Variants in ATP8B2 observed in about 807,000 individuals in gnomAD.
The protein encoded by ATP8B2 is phospholipid-transporting ATPase ID.
Under a neutral mutation model 133.4 loss-of-function variants are expected in ATP8B2, and 70 were observed. The observed-to-expected ratio is 0.52, with a 90% CI of 0.43 to 0.64. The LOEUF (loss-of-function observed/expected upper bound fraction) is 0.64, where lower values mean the gene tolerates loss of function less well. Ranked by LOEUF, ATP8B2 falls within the 30% of genes least tolerant of loss-of-function variation. ATP8B2 has a pLI of 0.00. For missense variants in ATP8B2, 1,101 were observed against 1,535.7 expected (o/e 0.72, Z 4.73); for synonymous variants, 517 against 589.5 (o/e 0.88, Z 1.78).
rs1476570922 is a variant in ATP8B2 at position 154,334,635 on chromosome 1, T to C, written c.837+44T>C. 6.5e-7 allele frequency: 1 copy of C among 1,529,742 alleles called. No homozygotes were observed. The highest frequency in any genetic ancestry group is 9.0e-7 in the Non-Finnish European group (1 of 1,106,002). The allele number at this position is 1,529,742 out of a possible 1,614,324, so 94.8% of individuals were successfully genotyped here. ...GGCTCCCTGCCCCTGCCCTCTCTTC[T>C]CCTTGGGTGCTCCTTTTCCTTTCCT... On this transcript the variant is annotated intron_variant, in intron 11 of 27. Transcript: ENST00000368489. The surrounding 1 kb of genome is among the most constrained non-coding windows in gnomAD (Gnocchi z 4.6).
At chr1:154,335,102 G>C (rs778666248) in intron 11 of ATP8B2, among the ~76,000 whole-genome samples, 3 of 152,100 alleles carry the variant, frequency 2.0e-5, no homozygotes, top group Non-Finnish European at 4.4e-5. Flanking sequence ...CCTGTGCCCC[G>C]ACTGTCTGCT....
Position 154,343,952 on chromosome 1 carries a change from G to A in ATP8B2, c.1818G>A (p.Glu606=). Residue 606 remains glutamate, a synonymous_variant, in exon 18 of 28, where the codon GAG becomes GAA. Transcript: ENST00000368489. This position sits in a 1 kb window ranked among gnomAD's most constrained non-coding sequence, Gnocchi z 5.8. ...LVLAYKDLDE[E]YYEEWAERRL... is the part of the protein sequence containing the mutation. ...TGGCCTACAAGGATCTGGATGAAGAGTACTACGAGGAGTGGGCTGAGCGAC... is the reference window on the plus strand; with the variant it reads ...TGGCCTACAAGGATCTGGATGAAGAATACTACGAGGAGTGGGCTGAGCGAC... The A allele has an allele frequency of 1.2e-5, 19 of 1,614,106 alleles. No individual in the cohort carries two copies. The highest frequency in any genetic ancestry group is 1.5e-5 in the Non-Finnish European group (18 of 1,179,968).
chr1:154,338,628 C>G (rs557153595), intron 12 of ATP8B2: 1 of 152,260 alleles, frequency 6.6e-6, no homozygotes, highest in East Asian at 1.9e-4. Context: ...CCACTGCACT[C>G]TAGCCTGGGC....
rs763353818 is a variant in ATP8B2, at chr1:154,343,450, T to C, written c.1643-3T>C. ...GCACTTTCTTCACCTGCCCCATTCA[T>C]AGTGCGGAATCCAGAGGGGAAGATC... On this transcript the variant is annotated splice_polypyrimidine_tract_variant and splice_region_variant and intron_variant, in intron 16 of 27. Transcript: ENST00000368489. The surrounding 1 kb of genome is among the most constrained non-coding windows in gnomAD (Gnocchi z 5.8). 1.5e-5 allele frequency: 25 copies of C among 1,613,990 alleles called. No homozygotes were observed. In the East Asian group the frequency reaches 4.9e-4, roughly 32 times the overall value.
At position 154,334,840 on chromosome 1, in the gene ATP8B2, G is replaced by A. The variant is rs148237833; in HGVS notation, c.837+249G>A. 3.4e-3 allele frequency among the ~76,000 whole-genome samples: 520 copies of A among 152,248 alleles called. 2 individuals carry two copies. The highest frequency in any genetic ancestry group is 5.1e-3 in the Non-Finnish European group (350 of 68,016). Reference sequence around the variant, plus strand: ...ACAAATCATCCCTTCTCTGATTCCAGTTATGATGATGACTTTGTGAAGCAT... The same window carrying A: ...ACAAATCATCCCTTCTCTGATTCCAATTATGATGATGACTTTGTGAAGCAT... On this transcript the variant is annotated intron_variant, in intron 11 of 27. Transcript: ENST00000368489. The surrounding 1 kb of genome is among the most constrained non-coding windows in gnomAD (Gnocchi z 4.6).
chr1:154,334,722 C>A lies in ATP8B2; in HGVS notation c.837+131C>A. 1.5e-6 allele frequency: 1 copy of A among 679,144 alleles called. No individual in the cohort carries two copies. The highest frequency in any genetic ancestry group is 2.5e-6 in the Non-Finnish European group (1 of 402,458). 42.1% of individuals were successfully genotyped at this position (679,144 alleles called of 1,614,324 possible). ...TAAAGCTGCTAGCAGGTCAGCTACA[C>A]AAAGGCAGTGTTTATTTTAGGCTCC... On this transcript the variant is annotated intron_variant, in intron 11 of 27. Coordinates refer to ENST00000368489, the MANE Select transcript of ATP8B2 (RefSeq NM_001370597.1). The surrounding 1 kb of genome is among the most constrained non-coding windows in gnomAD (Gnocchi z 4.6).
In ATP8B2 at chr1:154,331,824, T is replaced by A; in HGVS notation, c.439-130T>A. 7.7e-7 allele frequency: 1 copy of A among 1,294,812 alleles called. No homozygotes were observed. The highest frequency in any genetic ancestry group is 1.1e-6 in the Non-Finnish European group (1 of 896,918). The allele number at this position is 1,294,812 out of a possible 1,614,324, so 80.2% of individuals were successfully genotyped here. A position where few individuals can be genotyped will look rare whatever the true frequency, so the allele number is the denominator to read the frequency against. On this transcript the variant is annotated intron_variant, in intron 7 of 27. Coordinates refer to ENST00000368489, the MANE Select transcript of ATP8B2 (RefSeq NM_001370597.1). This position sits in a 1 kb window ranked among gnomAD's most constrained non-coding sequence, Gnocchi z 4.8. ...CAGGGGCTTCTGTGTCATGCTGATA[T>A]GCCTGGAACTAGCCATTTATGCACC...
intron 12 of ATP8B2, among the ~76,000 whole-genome samples, chr1:154,338,491 C>G (rs1313510004): frequency 1.3e-5 from 2 of 152,102 alleles, no homozygotes; most frequent in Middle Eastern, 3.2e-3. Flanking sequence ...GAAACCCCGT[C>G]TCTACTAAAA....
rs1685849270 is a variant in ATP8B2, at chr1:154,327,973, G to A, written c.-37-132G>A. The A allele has an allele frequency of 8.6e-6, 13 of 1,512,680 alleles. No homozygotes were observed. In the South Asian group the frequency reaches 1.2e-4, roughly 14 times the overall value. 93.7% of individuals were successfully genotyped at this position (1,512,680 alleles called of 1,614,324 possible). On this transcript the variant is annotated intron_variant, in intron 1 of 27. Transcript: ENST00000368489. ...GGAACCCATCATGGCAGTAAGAGGAGAGACTGGGAGAAGGAGGCTGGGGGA... is the reference window on the plus strand; with the variant it reads ...GGAACCCATCATGGCAGTAAGAGGAAAGACTGGGAGAAGGAGGCTGGGGGA...
intron 26 of ATP8B2, among the ~76,000 whole-genome samples, chr1:154,347,191 G>T (rs185307283): frequency 1.5e-3 from 224 of 152,278 alleles, no homozygotes; most frequent in Middle Eastern, 3.4e-3. Context: ...TGCCCAGCTA[G>T]CACAGAGAAA....
At chr1:154,333,444 C>T (rs1686070518) in intron 9 of ATP8B2, among the ~76,000 whole-genome samples, 1 of 150,374 alleles carries the variant, frequency 6.7e-6, no homozygotes, top group African/African-American at 2.4e-5. Flanking sequence ...GTGGAGGTTG[C>T]AGTGAGCCGA....
At chr1:154,326,606 G>C (rs879022366) in intron 1 of ATP8B2, among the ~76,000 whole-genome samples, 1 of 152,172 alleles carries the variant, frequency 6.6e-6, no homozygotes, top group South Asian at 2.1e-4. Context: ...CCCCCAGAGG[G>C]GATGAGGTCT....
Position 154,334,077 on chromosome 1 carries a change from T to A in ATP8B2, c.590-30T>A. ...TGTGGTTAGGCTGTAGACTGGACCT[T>A]AAGCAGTGGAATTCTTGTCTCCTGT... On this transcript the variant is annotated intron_variant, in intron 9 of 27. Coordinates refer to ENST00000368489, the MANE Select transcript of ATP8B2 (RefSeq NM_001370597.1). This position sits in a 1 kb window ranked among gnomAD's most constrained non-coding sequence, Gnocchi z 4.6. 1 of 1,612,188 alleles carries A rather than the reference T, an allele frequency of 6.2e-7. No homozygotes were observed. Among genetic ancestry groups the A allele is most frequent in the Non-Finnish European group, 8.5e-7 (1 of 1,178,494 alleles).
rs1043875204 is a variant in ATP8B2, at chr1:154,328,664, G to T, written c.31+492G>T. 10 of 606,234 alleles carry T rather than the reference G, an allele frequency of 1.6e-5. No individual in the cohort carries two copies. Among genetic ancestry groups the T allele is most frequent in the Non-Finnish European group, 2.1e-5 (10 of 481,728 alleles). 37.6% of individuals were successfully genotyped at this position (606,234 alleles called of 1,614,324 possible). ...GCGCGAGCTTTCGCCTACGCGGCGC[G>T]CTGGCAGGCTGCGGCTCCTGCAGTC... is the stretch of plus-strand genomic sequence containing the variant. On this transcript the variant is annotated intron_variant, in intron 2 of 27. Coordinates refer to ENST00000368489, the MANE Select transcript of ATP8B2 (RefSeq NM_001370597.1). The surrounding 1 kb of genome is among the most constrained non-coding windows in gnomAD (Gnocchi z 4.6).
Position 154,334,578 on chromosome 1 carries a change from C to A in ATP8B2, c.824C>A (p.Thr275Asn). The A allele has an allele frequency of 1.2e-6, 2 of 1,613,910 alleles. No homozygotes were observed. Among genetic ancestry groups the A allele is most frequent in the South Asian group, 2.2e-5 (2 of 91,064 alleles). ...KRTSIDRLMN[T>N]LVLWIFGFLV... is the part of the protein sequence containing the mutation. ...ACGAGTATCGATCGCCTAATGAATA[C>A]CCTGGTGCTCTGGGTGAGGCGCCCC... The change falls in exon 11 of 28, where the codon ACC becomes AAC. Residue 275 changes from threonine to asparagine, a missense_variant. By Grantham distance (65) the Thr-to-Asn change is moderately conservative (BLOSUM62 0). Transcript: ENST00000368489. This position sits in a 1 kb window ranked among gnomAD's most constrained non-coding sequence, Gnocchi z 4.6.
intron 12 of ATP8B2, chr1:154,337,856 T>G: frequency 3.0e-6 from 3 of 1,000,882 alleles, no homozygotes; most frequent in Non-Finnish European, 4.1e-6. Flanking sequence ...ATGGATCTCC[T>G]TCCTTCTAGG....
chr1:154,328,562 G>C lies in ATP8B2; in HGVS notation c.31+390G>C, dbSNP rs946540695. Among the ~76,000 whole-genome samples the C allele has an allele frequency of 6.6e-6, 1 of 152,120 alleles. No homozygotes were observed. Among genetic ancestry groups the C allele is most frequent in the African/African-American group, 2.4e-5 (1 of 41,430 alleles). ...GGCGGGGGTGTGTGTGTGTGAAAGC[G>C]GTTGCCCCCGACAACGCCGGCAGTC... is the stretch of plus-strand genomic sequence containing the variant. On this transcript the variant is annotated intron_variant, in intron 2 of 27. Coordinates refer to ENST00000368489, the MANE Select transcript of ATP8B2 (RefSeq NM_001370597.1). The surrounding 1 kb of genome is among the most constrained non-coding windows in gnomAD (Gnocchi z 4.6).
In ATP8B2 at chr1:154,343,205, A is replaced by C; in HGVS notation, c.1546A>C (p.Lys516Gln). 1 of 1,614,078 alleles carries C rather than the reference A, an allele frequency of 6.2e-7. No homozygotes were observed. The highest frequency in any genetic ancestry group is 2.2e-5 in the East Asian group (1 of 44,876). ...FGFVFRSRTP[K>Q]TITVHEMGTA... ...TTTTGTTTTCCGCTCTCGCACCCCC[A>C]AAACAATCACCGTCCATGAGATGGG... is the stretch of plus-strand genomic sequence containing the variant. Residue 516 changes from lysine (K) to glutamine (Q), a missense_variant, in exon 16 of 28, where the codon AAA (lysine) becomes CAA (glutamine). Transcript: ENST00000368489. This position sits in a 1 kb window ranked among gnomAD's most constrained non-coding sequence, Gnocchi z 5.8.
Position 154,346,527 on chromosome 1 carries a change from T to C in ATP8B2, c.3024+51T>C. 6.2e-7 allele frequency: 1 copy of C among 1,605,458 alleles called. No individual in the cohort carries two copies. The highest frequency in any genetic ancestry group is 8.5e-7 in the Non-Finnish European group (1 of 1,174,576). ...TCTTCTCTGGAAGGAGTGAGCCTTC[T>C]GTCCCTGGGGCTGCCCTGGGCACCA... On this transcript the variant is annotated intron_variant, in intron 25 of 27. Coordinates refer to ENST00000368489, the MANE Select transcript of ATP8B2 (RefSeq NM_001370597.1). This position sits in a 1 kb window ranked among gnomAD's most constrained non-coding sequence, Gnocchi z 4.5.
Sources: gnomAD v4.1 joint callset for allele counts (sites outside exome capture counted in the v4.1 genomes callset) on GRCh38, gnomAD v4.1.1 for gene constraint, Gnocchi (gnomAD v3.1) non-coding constraint, MANE v1.5 for transcripts, NCBI Gene and HGNC (gene_info 2026-07-23, HGNC 2026-07-21) for gene names.